The following SLC25A21 variants were observed in gnomAD, a reference collection of about 807,000 sequenced individuals.
SLC25A21 encodes the protein solute carrier family 25 member 21, also known as mitochondrial 2-oxodicarboxylate carrier.
SLC25A21 carries 47 observed loss-of-function variants against 43.8 expected under a neutral mutation model. The ratio of observed to expected loss-of-function variants is 1.07; its 90% CI spans 0.85 to 1.37. SLC25A21 has a LOEUF of 1.37. Ranked by LOEUF, SLC25A21 falls within the 40% of genes most tolerant of loss-of-function variation. The pLI is 0.00. For missense variants in SLC25A21, 352 were observed against 350.2 expected (o/e 1.00, Z -0.04); for synonymous variants, 131 against 121.3 (o/e 1.08, Z -0.52).
chr14:36,732,371 T>G (rs543864622), intron 4 of SLC25A21, among the ~76,000 whole-genome samples: 18 of 152,200 alleles, frequency 1.2e-4, no homozygotes, highest in Admixed American at 3.3e-4. Flanking sequence ...TCTGTATGTG[T>G]GAAGCTCAAG....
intron 1 of SLC25A21, among the ~76,000 whole-genome samples, chr14:37,056,720 C>T (rs550365908): frequency 6.6e-6 from 1 of 152,266 alleles, no homozygotes; most frequent in Admixed American, 6.5e-5. Flanking sequence ...ACAGACTTGG[C>T]GTCTGCAGCC....
At chr14:37,079,120 A>T (rs1962337953) in intron 1 of SLC25A21, among the ~76,000 whole-genome samples, 1 of 152,198 alleles carries the variant, frequency 6.6e-6, no homozygotes, top group South Asian at 2.1e-4. Flanking sequence ...GGGCCCCATC[A>T]TAGGCCCTCT....
intron 1 of SLC25A21, among the ~76,000 whole-genome samples, chr14:37,001,313 C>T (rs1426479198): frequency 2.0e-5 from 3 of 152,100 alleles, no homozygotes; most frequent in South Asian, 4.1e-4. Flanking sequence ...CCTTTAAATG[C>T]ATTGTTTCAT....
intron 3 of SLC25A21, among the ~76,000 whole-genome samples, chr14:36,747,736 T>C (rs1885553474): frequency 6.6e-6 from 1 of 152,224 alleles, no homozygotes; most frequent in Admixed American, 6.5e-5. Context: ...GTTATTATAG[T>C]ACATTCCAAA....
At chr14:36,898,362 C>T (rs1429102986) in intron 1 of SLC25A21, among the ~76,000 whole-genome samples, 1 of 152,180 alleles carries the variant, frequency 6.6e-6, no homozygotes, top group African/African-American at 2.4e-5. Context: ...CCTGGTGTGC[C>T]ATTTGCTAAG....
chr14:37,070,529 G>GC (rs891368734), intron 1 of SLC25A21, among the ~76,000 whole-genome samples: 5 of 151,840 alleles, frequency 3.3e-5, no homozygotes, highest in African/African-American at 9.7e-5. Flanking sequence ...TTTGTCAATA[G>GC]CCCCCCCTTT....
intron 2 of SLC25A21, among the ~76,000 whole-genome samples, chr14:36,863,059 T>G (rs1002330712): frequency 1.3e-5 from 2 of 152,166 alleles, no homozygotes; most frequent in Non-Finnish European, 2.9e-5. Flanking sequence ...GAAACAGTCA[T>G]CATGCTGATG....
intron 2 of SLC25A21, among the ~76,000 whole-genome samples, chr14:36,823,368 G>T (rs1888704483): frequency 6.6e-6 from 1 of 152,134 alleles, no homozygotes; most frequent in South Asian, 2.1e-4. Flanking sequence ...TAAAATACAT[G>T]TCACATCATA....
intron 1 of SLC25A21, among the ~76,000 whole-genome samples, chr14:37,105,512 G>A (rs527318277): frequency 6.6e-6 from 1 of 152,162 alleles, no homozygotes; most frequent in South Asian, 2.1e-4. Flanking sequence ...CAAATTGCGG[G>A]AGATATGCCT....
rs79214457 is a variant in SLC25A21, at chr14:36,942,984, T to C, written c.71-67980A>G. ...TCTTTTGGGACTGGGGAAGGTATGGTTCCAGTAGAGAGCTGCTTCTGCCTT... is the reference window on the plus strand; with the variant it reads ...TCTTTTGGGACTGGGGAAGGTATGGCTCCAGTAGAGAGCTGCTTCTGCCTT... On this transcript the variant is annotated intron_variant, in intron 1 of 9. Transcript: ENST00000331299. Among the ~76,000 whole-genome samples, 407 of 152,222 alleles carry C rather than the reference T, an allele frequency of 2.7e-3. 7 individuals are homozygous for C. Among genetic ancestry groups the C allele is most frequent in the Admixed American group, 0.022 (342 of 15,282 alleles).
rs376067644 is a variant in SLC25A21, at chr14:37,071,711, T to C, written c.70+100570A>G. On this transcript the variant is annotated intron_variant, in intron 1 of 9. Transcript: ENST00000331299. ...AAGACAGACTAGAAAAACACCTGAA[T>C]TGTATGTATAAGCATGCTTTCAAGA... Among the ~76,000 whole-genome samples, 6 of 152,306 alleles carry C rather than the reference T, an allele frequency of 3.9e-5. 1 individual carries two copies. The highest frequency in any genetic ancestry group is 1.4e-4 in the African/African-American group (6 of 41,560).
rs1477147847 is a variant in SLC25A21, at chr14:36,680,167, C to CTCT, written c.*488_*490dup. ...TGCACTTTAAAAAATTTTTCTTGTG[C>CTCT]TCTTTAAATATTATTTATGGAATAA... On this transcript the variant is annotated 3_prime_UTR_variant, in exon 10 of 10. Coordinates refer to ENST00000331299, the MANE Select transcript of SLC25A21 (RefSeq NM_030631.4). 3 of 840,564 alleles carry CTCT rather than the reference C, an allele frequency of 3.6e-6. No individual in the cohort carries two copies. Among genetic ancestry groups the CTCT allele is most frequent in the Non-Finnish European group, 4.3e-6 (3 of 699,080 alleles). The allele number at this position is 840,564 out of a possible 1,614,324, so 52.1% of individuals were successfully genotyped here.
chr14:37,060,555 A>G (rs1485289595), intron 1 of SLC25A21, among the ~76,000 whole-genome samples: 1 of 151,916 alleles, frequency 6.6e-6, no homozygotes, highest in Non-Finnish European at 1.5e-5. Context: ...CCAGATTTTA[A>G]TGTGAAATAT....
intron 1 of SLC25A21, among the ~76,000 whole-genome samples, chr14:36,922,959 T>G (rs940729514): frequency 2.6e-5 from 4 of 151,758 alleles, no homozygotes; most frequent in Non-Finnish European, 4.4e-5. Context: ...ATACAGACAC[T>G]GGAAAGCACG....
At chr14:36,722,220 C>T (rs7152852) in intron 6 of SLC25A21, among the ~76,000 whole-genome samples, 79,958 of 151,954 alleles carry the variant, frequency 0.53, 21,023 homozygotes, top group South Asian at 0.63. Flanking sequence ...CAATTACACA[C>T]TGAAATGAGA....
chr14:36,787,579 G>C lies in SLC25A21; in HGVS notation c.203+26339C>G, dbSNP rs182484700. ...AAGATGAAAAGAGTGAATATATACA[G>C]CCCATTTTATATTAAACACAATTCA... On this transcript the variant is annotated intron_variant, in intron 3 of 9. Coordinates refer to ENST00000331299, the MANE Select transcript of SLC25A21 (RefSeq NM_030631.4). 9.9e-5 allele frequency among the ~76,000 whole-genome samples: 15 copies of C among 152,108 alleles called. No homozygotes were observed. The East Asian group carries it at 2.5e-3, about 25-fold the overall frequency.
At chr14:36,908,385 T>C (rs537836800) in intron 1 of SLC25A21, among the ~76,000 whole-genome samples, 66 of 152,278 alleles carry the variant, frequency 4.3e-4, no homozygotes, top group African/African-American at 1.6e-3. Flanking sequence ...TAAAAAATGA[T>C]GGTGGGAAAG....
chr14:36,707,104 GCT>G (rs777924418), intron 7 of SLC25A21, among the ~76,000 whole-genome samples: 1 of 152,052 alleles, frequency 6.6e-6, no homozygotes, highest in Non-Finnish European at 1.5e-5. Context: ...AAGGTACCCA[GCT>G]CTCTCTCTCC....
intron 1 of SLC25A21, among the ~76,000 whole-genome samples, chr14:36,958,760 A>T (rs540928961): frequency 6.6e-6 from 1 of 152,278 alleles, no homozygotes; most frequent in African/African-American, 2.4e-5. Context: ...GAGCAAGGCC[A>T]CTTGGCTGTT....
Sources: gnomAD v4.1 joint callset for allele counts (sites outside exome capture counted in the v4.1 genomes callset) on GRCh38, gnomAD v4.1.1 for gene constraint, MANE v1.5 for transcripts, NCBI Gene and HGNC (gene_info 2026-07-23, HGNC 2026-07-21) for gene names.